Variants in PLOD3 observed in about 807,000 individuals in gnomAD.
PLOD3 encodes multifunctional procollagen lysine hydroxylase and glycosyltransferase LH3.
In PLOD3, 73 loss-of-function variants were observed where a neutral mutation model predicts 96.9. The ratio of observed to expected loss-of-function variants is 0.75; its 90% CI spans 0.62 to 0.92. The LOEUF (loss-of-function observed/expected upper bound fraction) is 0.92, where lower values mean the gene tolerates loss of function less well. Ranked by LOEUF, PLOD3 falls within the 40% of genes least tolerant of loss-of-function variation. The pLI is 0.00. For synonymous variants in PLOD3, 454 were observed against 413.7 expected (o/e 1.10, Z -1.18); for missense variants, 1,004 against 1,004.3 (o/e 1.00, Z 0.00).
At position 101,210,174 on chromosome 7, in the gene PLOD3, G is replaced by T. The variant is rs780570738; in HGVS notation, c.1615-13C>A. On this transcript the variant is annotated splice_polypyrimidine_tract_variant and intron_variant, in intron 14 of 18. Coordinates refer to ENST00000223127, the MANE Select transcript of PLOD3 (RefSeq NM_001084.5). ...GCTCCTTCCAGTCCTGTGAGAGGGT[G>T]GGGGGCACATCAGATCTGTGCCCCC... is the stretch of plus-strand genomic sequence containing the variant. The T allele has an allele frequency of 2.3e-5, 36 of 1,595,044 alleles. No individual in the cohort carries two copies. The highest frequency in any genetic ancestry group is 3.4e-5 in the South Asian group (3 of 89,170).
chr7:101,208,628 T>G (rs910671764), intron 16 of PLOD3: 1 of 529,006 alleles, frequency 1.9e-6, no homozygotes, highest in East Asian at 3.8e-5. Flanking sequence ...GCTCGAGCAA[T>G]CCTCCCGCCT....
At chr7:101,212,468 G>GA in intron 9 of PLOD3, 62 bp downstream of exon 9, 4 of 1,589,660 alleles carry the variant, frequency 2.5e-6, no homozygotes, top group Non-Finnish European at 3.5e-6. Flanking sequence ...GTGGGGGCAC[G>GA]AGAGTTCTGA....
intron 10 of PLOD3, 53 bp from the exon 11 acceptor site, chr7:101,212,003 G>T: frequency 7.9e-7 from 1 of 1,259,514 alleles, no homozygotes; most frequent in Non-Finnish European, 1.1e-6. Context: ...CGGTGTGGAT[G>T]GGGTAACTGG....
intron 6 of PLOD3, among the ~76,000 whole-genome samples, chr7:101,214,283 C>G (rs759750540): frequency 1.6e-4 from 25 of 151,934 alleles, no homozygotes; most frequent in Non-Finnish European, 1.2e-4. Flanking sequence ...CCCGCCACCA[C>G]GCCCAGCTCA....
intron 17 of PLOD3, 128 bp downstream of exon 17, chr7:101,207,450 C>T (rs1798106626): frequency 9.9e-7 from 1 of 1,010,236 alleles, no homozygotes; most frequent in African/African-American, 1.6e-5. Flanking sequence ...TGCAGCGTCT[C>T]ATTCCCCTGG....
chr7:101,216,838 C>T (rs760581987), intron 1 of PLOD3, 52 bp from the exon 2 acceptor site: 26 of 1,265,704 alleles, frequency 2.1e-5, no homozygotes, highest in Non-Finnish European at 2.6e-5. Flanking sequence ...CTCCGGGCCT[C>T]ACGTGCTTTG....
In PLOD3 at chr7:101,212,957, A is replaced by G; in HGVS notation, c.778-14T>C. 1 of 1,598,820 alleles carries G rather than the reference A, an allele frequency of 6.3e-7. No homozygotes were observed. The highest frequency in any genetic ancestry group is 8.6e-7 in the Non-Finnish European group (1 of 1,166,274). On this transcript the variant is annotated splice_polypyrimidine_tract_variant and intron_variant, in intron 7 of 18. Transcript: ENST00000223127. ...GTTGAGCTGCAGCTGTTGGGGACAG[A>G]CTGAGGCTGAGTGGCTGAGGCCTCC...
chr7:101,210,566 G>C lies in PLOD3; in HGVS notation c.1466C>G (p.Pro489Arg). 2 of 1,614,194 alleles carry C rather than the reference G, an allele frequency of 1.2e-6. No individual in the cohort carries two copies. The highest frequency in any genetic ancestry group is 1.7e-6 in the Non-Finnish European group (2 of 1,180,026). Residue 489 changes from proline (P) to arginine (R), a missense_variant, in exon 13 of 19, where the codon CCG (proline) becomes CGG (arginine). Transcript: ENST00000223127. Reference protein sequence around the residue: ...RDVFSGSDTDPDMAFCKSFRD... With the variant: ...RDVFSGSDTDRDMAFCKSFRD... The stretch of plus-strand genomic sequence containing the variant: ...AAAGCTCTTACAGAAGGCCATGTCC[G>C]GGTCTGTGTCACTGCCCGAGAACAC...
intron 6 of PLOD3, among the ~76,000 whole-genome samples, chr7:101,214,840 A>G (rs1798242946): frequency 6.6e-6 from 1 of 152,176 alleles, no homozygotes; most frequent in Non-Finnish European, 1.5e-5. Context: ...CTGTCTCAAA[A>G]AAAAAAGTCC....
chr7:101,207,527 C>CGT, intron 17 of PLOD3, 51 bp downstream of exon 17: 1 of 1,593,598 alleles, frequency 6.3e-7, no homozygotes. Flanking sequence ...ACTTCCTGTC[C>CGT]GGGACTGGGG....
At chr7:101,208,458 C>G in intron 16 of PLOD3, 1 of 338,236 alleles carries the variant, frequency 3.0e-6, no homozygotes, top group South Asian at 2.4e-5. Context: ...TCAGGCTGGT[C>G]TCGAACTCCT....
intron 6 of PLOD3, chr7:101,213,488 C>T (rs1033633837): frequency 8.8e-6 from 4 of 453,802 alleles, no homozygotes; most frequent in Non-Finnish European, 1.6e-5. Context: ...TACCCCTCCT[C>T]ATATTCTCTC....
At chr7:101,211,421 T>C (rs1177575280) in intron 12 of PLOD3, 170 bp downstream of exon 12, 67 of 644,108 alleles carry the variant, frequency 1.0e-4, no homozygotes, top group Non-Finnish European at 1.2e-4. Flanking sequence ...GCTCAAGCAG[T>C]CCTCCTACCT....
At position 101,211,985 on chromosome 7, in the gene PLOD3, T is replaced by A. The variant is rs771255257; in HGVS notation, c.1128-35A>T. On this transcript the variant is annotated intron_variant, in intron 10 of 18. Transcript: ENST00000223127. ...AGAGGCGAGCTGAGACGGCGGCAGG[T>A]GGGGAGGCGGTGTGGATGGGGTAAC... 7 of 1,451,248 alleles carry A rather than the reference T, an allele frequency of 4.8e-6. No homozygotes were observed. The Admixed American group carries it at 1.3e-4, about 27-fold the overall frequency. 89.9% of individuals were successfully genotyped at this position (1,451,248 alleles called of 1,614,324 possible).
chr7:101,213,499 T>G (rs1584254502), intron 6 of PLOD3: 2 of 398,428 alleles, frequency 5.0e-6, no homozygotes, highest in Non-Finnish European at 9.1e-6. Context: ...ATATTCTCTC[T>G]CTCCTTGTTT....
At chr7:101,209,158 A>G (rs542873179) in intron 15 of PLOD3, among the ~76,000 whole-genome samples, 24 of 150,296 alleles carry the variant, frequency 1.6e-4, no homozygotes, top group African/African-American at 4.6e-4. Context: ...AGGGTCCTGG[A>G]GCCCCTCGTG....
intron 5 of PLOD3, 89 bp downstream of exon 5, chr7:101,215,819 C>T: frequency 6.5e-6 from 6 of 919,238 alleles, no homozygotes; most frequent in South Asian, 2.7e-5. Flanking sequence ...TTTCTCTTTG[C>T]AACCCCCTTT....
chr7:101,210,812 T>A, intron 12 of PLOD3, 139 bp from the exon 13 acceptor site: 1 of 868,456 alleles, frequency 1.2e-6, no homozygotes, highest in Non-Finnish European at 1.8e-6. Context: ...CAAGCACTGC[T>A]GGTCCCAACC....
At chr7:101,209,552 GTTTT>G (rs11295764) in intron 15 of PLOD3, among the ~76,000 whole-genome samples, 5 of 110,326 alleles carry the variant, frequency 4.5e-5, no homozygotes, top group East Asian at 2.5e-4. Context: ...TAATTTTTGT[GTTTT>G]TTTTTTTTTT....
Sources: gnomAD v4.1 joint callset for allele counts (sites outside exome capture counted in the v4.1 genomes callset) on GRCh38, gnomAD v4.1.1 for gene constraint, MANE v1.5 for transcripts, NCBI Gene and HGNC (gene_info 2026-07-23, HGNC 2026-07-21) for gene names.